The following NUP160 variants were observed in gnomAD, a reference collection of about 807,000 sequenced individuals.
NUP160 encodes nuclear pore complex protein Nup160.
A neutral mutation model predicts 196.9 loss-of-function variants in NUP160; 94 were observed. The observed-to-expected ratio is 0.48, with a 90% CI of 0.40 to 0.57. The LOEUF is 0.57. Among genes scored for constraint, NUP160 ranks in the 20% least tolerant of loss-of-function variants. The pLI, the probability that NUP160 is intolerant of heterozygous loss-of-function variation, is 0.00. For missense variants in NUP160, 1,638 were observed against 1,748.3 expected (o/e 0.94, Z 1.13); for synonymous variants, 605 against 619.7 (o/e 0.98, Z 0.35).
Position 47,837,579 on chromosome 11 carries a change from G to A in NUP160, c.793C>T (p.Arg265Ter), listed in dbSNP as rs1344839710. The A allele has an allele frequency of 1.9e-6, 3 of 1,614,058 alleles. No homozygotes were observed. The highest frequency in any genetic ancestry group is 1.7e-5 in the Admixed American group (1 of 60,012). ...GTTGGCATCCAGCCTGTAAGCAATC[G>A]TTGCATTACTGAACTCTGTTTCAGT... The change falls in exon 5 of 36, where the codon CGA becomes TGA. Residue 265 changes from arginine to a stop codon, truncating the protein, a stop_gained. Transcript: ENST00000378460. LOFTEE classifies it high-confidence loss of function.
At chr11:47,836,992 C>A in exon 6 of NUP160, 1 of 1,608,264 alleles carries the variant, frequency 6.2e-7, no homozygotes, top group African/African-American at 1.3e-5. Context: ...CTGAAGGCGA[C>A]TGGTCACCCC....
In NUP160 at chr11:47,792,818, C is replaced by CA; in HGVS notation, c.3417dup (p.Ala1140CysfsTer13). 6.2e-7 allele frequency: 1 copy of CA among 1,614,070 alleles called. No homozygotes were observed. Among genetic ancestry groups the CA allele is most frequent in the South Asian group, 1.1e-5 (1 of 91,060 alleles). ...CCAGACACTGGCTGCACAATCCACG[C>CA]ATATTCTGGACGAATAAGTCGTAAA... On this transcript the variant is annotated frameshift_variant, in exon 28 of 36. Transcript: ENST00000378460. LOFTEE classifies it high-confidence loss of function.
chr11:47,822,430 G>C (rs1345989894), intron 7 of NUP160, among the ~76,000 whole-genome samples: 1 of 151,866 alleles, frequency 6.6e-6, no homozygotes, highest in African/African-American at 2.4e-5. Flanking sequence ...GCTAATTTTT[G>C]TATTTTTAGT....
At chr11:47,789,368 T>C (rs772882265) in intron 29 of NUP160, among the ~76,000 whole-genome samples, 7 of 151,962 alleles carry the variant, frequency 4.6e-5, no homozygotes, top group Non-Finnish European at 8.8e-5. Flanking sequence ...GAAAGAAATA[T>C]GACCAAACTG....
At chr11:47,844,626 C>G (rs975331156) in intron 2 of NUP160, among the ~76,000 whole-genome samples, 1 of 152,168 alleles carries the variant, frequency 6.6e-6, no homozygotes, top group Non-Finnish European at 1.5e-5. Flanking sequence ...TGCCCAACCA[C>G]CCTACATAAA....
At chr11:47,840,001 T>C (rs1852263123) in exon 4 of NUP160, 1 of 1,614,012 alleles carries the variant, frequency 6.2e-7, no homozygotes, top group Non-Finnish European at 8.5e-7. Flanking sequence ...GTTGCAAGGA[T>C]CTGTGAAATC....
chr11:47,818,099 G>A (rs368893006), exon 11 of NUP160: 20 of 1,611,542 alleles, frequency 1.2e-5, no homozygotes, highest in East Asian at 4.5e-5. Flanking sequence ...TTGTCCTGGT[G>A]TAAAAAGACT....
chr11:47,841,211 C>A, intron 2 of NUP160: 2 of 199,180 alleles, frequency 1.0e-5, no homozygotes, highest in South Asian at 2.3e-4. Context: ...TTTCTTTTTT[C>A]CCCCACCCTC....
intron 21 of NUP160, among the ~76,000 whole-genome samples, chr11:47,803,883 T>G (rs1204718778): frequency 6.6e-6 from 1 of 152,032 alleles, no homozygotes. Context: ...CAGAGACAAA[T>G]TCTTAAAAAG....
chr11:47,848,137 A>G lies in NUP160; in HGVS notation c.202+82T>C. The G allele has an allele frequency of 2.7e-6, 4 of 1,504,606 alleles. No individual in the cohort carries two copies. In the South Asian group the frequency reaches 4.5e-5, roughly 17 times the overall value. 93.2% of individuals were successfully genotyped at this position (1,504,606 alleles called of 1,614,324 possible). A position where few individuals can be genotyped will look rare whatever the true frequency, so the allele number is the denominator to read the frequency against. ...AGGCATGTGGACTCAGGAGGATGAA[A>G]CAGGGCGTCAGGGACCCTGGGACCC... On this transcript the variant is annotated intron_variant, in intron 1 of 35. Coordinates refer to ENST00000378460, the Ensembl canonical transcript of NUP160.
chr11:47,804,502 C>T (rs2097676300), intron 21 of NUP160, 47 bp downstream of exon 21: 2 of 1,284,556 alleles, frequency 1.6e-6, no homozygotes, highest in Non-Finnish European at 2.2e-6. Context: ...TCAGCAATCC[C>T]ATGCTTTACA....
At position 47,812,052 on chromosome 11, in the gene NUP160, A is replaced by G; in HGVS notation, c.2241+12T>C. On this transcript the variant is annotated intron_variant, in intron 17 of 35. Transcript: ENST00000378460. ...TTTAGATTTTACAAGTTTTCCCTCA[A>G]GCAGTACTTACAGCATCTCCAAGCC... The G allele has an allele frequency of 6.2e-7, 1 of 1,613,518 alleles. No homozygotes were observed. The highest frequency in any genetic ancestry group is 8.5e-7 in the Non-Finnish European group (1 of 1,179,710).
chr11:47,844,549 T>A (rs952085021), intron 2 of NUP160, among the ~76,000 whole-genome samples: 16 of 152,282 alleles, frequency 1.1e-4, no homozygotes, highest in African/African-American at 3.9e-4. Context: ...CTTGGAAGGC[T>A]CCACCTGAAA....
chr11:47,822,268 T>C, intron 7 of NUP160, 104 bp from the exon 8 acceptor site: 2 of 740,918 alleles, frequency 2.7e-6, no homozygotes, highest in Non-Finnish European at 4.3e-6. Flanking sequence ...AAAATTTTTT[T>C]TTTTTTGAAA....
rs760562797 is a variant in NUP160 at position 47,804,624 on chromosome 11, C to T, written c.2607-6G>A. On this transcript the variant is annotated splice_polypyrimidine_tract_variant and splice_region_variant and intron_variant, in intron 20 of 35. Transcript: ENST00000378460. ...AACCAGGATTGCTAGGCCATCTAGT[C>T]ATTGGTTAAGGATATTTCTTAATTT... is the stretch of plus-strand genomic sequence containing the variant. 9.8e-5 allele frequency: 149 copies of T among 1,515,456 alleles called. 2 individuals carry two copies. The highest frequency in any genetic ancestry group is 6.1e-5 in the Non-Finnish European group (70 of 1,140,662). 93.9% of individuals were successfully genotyped at this position (1,515,456 alleles called of 1,614,324 possible).
chr11:47,809,270 A>AT (rs1258659041), intron 17 of NUP160, among the ~76,000 whole-genome samples: 3 of 151,168 alleles, frequency 2.0e-5, no homozygotes, highest in African/African-American at 4.9e-5. Flanking sequence ...AAAAAAAAAA[A>AT]AAAAAAGAAT....
At chr11:47,836,450 CA>C (rs1341743839) in intron 6 of NUP160, among the ~76,000 whole-genome samples, 2 of 151,922 alleles carry the variant, frequency 1.3e-5, no homozygotes, top group African/African-American at 2.4e-5. Flanking sequence ...ACCCTGTCTA[CA>C]AAAAATACTA....
intron 31 of NUP160, 61 bp downstream of exon 31, chr11:47,788,121 T>C (rs758163949): frequency 7.0e-7 from 1 of 1,426,128 alleles, no homozygotes; most frequent in Non-Finnish European, 9.7e-7. Context: ...TGTTTCACAC[T>C]GAGCAAGAGG....
chr11:47,782,306 ATATATATATATATATATATAT>A (rs1565184604), intron 34 of NUP160, among the ~76,000 whole-genome samples: 12,630 of 42,244 alleles, frequency 0.3, 2,566 homozygotes, highest in East Asian at 0.46. Context: ...AAAAAAAAAT[ATATATATATATATATATATAT>A]ATATATATAT....
Sources: allele counts gnomAD v4.1 joint callset (sites outside exome capture counted in the v4.1 genomes callset), GRCh38; gene constraint gnomAD v4.1.1; transcripts MANE v1.5; gene names NCBI Gene and HGNC (gene_info 2026-07-23, HGNC 2026-07-21).